Variants in ELMO1 observed in about 807,000 individuals in gnomAD.
The protein encoded by ELMO1 is engulfment and cell motility protein 1.
A neutral mutation model predicts 98.9 loss-of-function variants in ELMO1; 26 were observed. The observed-to-expected ratio is 0.26, with a 90% confidence interval of 0.19 to 0.36. The LOEUF (loss-of-function observed/expected upper bound fraction) is 0.36, where lower values mean the gene tolerates loss of function less well. ELMO1 is among the 10% of genes least tolerant of loss of function. ELMO1 has a pLI of 1.00. For missense variants in ELMO1, 627 were observed against 935.2 expected (o/e 0.67, Z 4.30); for synonymous variants, 346 against 346.0 (o/e 1.00, Z 0.00).
chr7:37,218,154 T>C (rs1563083963), intron 10 of ELMO1, among the ~76,000 whole-genome samples: 1 of 152,172 alleles, frequency 6.6e-6, no homozygotes, highest in Non-Finnish European at 1.5e-5. Flanking sequence ...CCTATAGCTG[T>C]TTTAATTTCT....
In ELMO1 at chr7:36,987,360, T is replaced by G. The variant is rs368403123; in HGVS notation, c.1437+25939A>C. ...TCCTGGTCAGACTCGAGGGGGCTCA[T>G]AAGGTGGCAATCTCACTCAGGGGTC... is the stretch of plus-strand genomic sequence containing the variant. On this transcript the variant is annotated intron_variant, in intron 16 of 21. Transcript: ENST00000310758. 3.7e-4 allele frequency among the ~76,000 whole-genome samples: 56 copies of G among 152,260 alleles called. 1 individual carries two copies. The highest frequency in any genetic ancestry group is 1.3e-3 in the African/African-American group (55 of 41,540).
intron 1 of ELMO1, among the ~76,000 whole-genome samples, chr7:37,440,010 A>T (rs28695248): frequency 5.9e-5 from 9 of 151,894 alleles, no homozygotes; most frequent in Admixed American, 5.9e-4. Context: ...TCTTTCTCTC[A>T]CACACACATA....
At chr7:37,162,759 T>A (rs1789314461) in intron 13 of ELMO1, among the ~76,000 whole-genome samples, 1 of 152,222 alleles carries the variant, frequency 6.6e-6, no homozygotes, top group African/African-American at 2.4e-5. Context: ...AAGGTGTTTC[T>A]AGCCTTTGAA....
intron 16 of ELMO1, among the ~76,000 whole-genome samples, chr7:36,981,466 C>A (rs190896852): frequency 6.6e-6 from 1 of 152,148 alleles, no homozygotes; most frequent in Admixed American, 6.5e-5. Flanking sequence ...TCAATATTTT[C>A]TCGCTAAACA....
chr7:37,143,510 G>A (rs755362338), intron 13 of ELMO1, among the ~76,000 whole-genome samples: 17 of 149,736 alleles, frequency 1.1e-4, no homozygotes, highest in Admixed American at 4.0e-4. Flanking sequence ...AGGTTCAAGC[G>A]ATTCTCTTGC....
intron 1 of ELMO1, among the ~76,000 whole-genome samples, chr7:37,411,672 A>C (rs959020151): frequency 3.9e-5 from 6 of 152,148 alleles, no homozygotes; most frequent in Non-Finnish European, 7.4e-5. Context: ...GTGTATTGTT[A>C]TGTTGAGAAA....
At chr7:37,083,514 T>G (rs1442196638) in intron 15 of ELMO1, among the ~76,000 whole-genome samples, 1 of 152,002 alleles carries the variant, frequency 6.6e-6, no homozygotes, top group Non-Finnish European at 1.5e-5. Context: ...ATTATAAAGC[T>G]CAAAATAGCT....
At chr7:37,384,477 T>G (rs1802708886) in intron 1 of ELMO1, among the ~76,000 whole-genome samples, 1 of 152,204 alleles carries the variant, frequency 6.6e-6, no homozygotes, top group South Asian at 2.1e-4. Flanking sequence ...TCCCAGCACT[T>G]TGGGAGGCCG....
chr7:37,274,136 T>C (rs1040398889), intron 4 of ELMO1, among the ~76,000 whole-genome samples: 2 of 152,158 alleles, frequency 1.3e-5, no homozygotes, highest in Non-Finnish European at 2.9e-5. Flanking sequence ...ACTGAATGCC[T>C]CTTGGCAGGC....
chr7:37,068,533 T>G (rs548718625), intron 15 of ELMO1, among the ~76,000 whole-genome samples: 4 of 152,306 alleles, frequency 2.6e-5, no homozygotes, highest in Admixed American at 2.0e-4. Context: ...CAGATGAATT[T>G]TAGCATATGC....
At chr7:37,369,397 A>T (rs1431216645) in intron 1 of ELMO1, among the ~76,000 whole-genome samples, 2 of 152,142 alleles carry the variant, frequency 1.3e-5, no homozygotes. Flanking sequence ...TCATGTCGGC[A>T]CTCAAAAAGC....
At chr7:37,272,637 T>C (rs991571539) in intron 4 of ELMO1, among the ~76,000 whole-genome samples, 2 of 146,500 alleles carry the variant, frequency 1.4e-5, no homozygotes, top group Non-Finnish European at 3.0e-5. Context: ...ATAGCACCAC[T>C]ACATTCCAGC....
At chr7:37,044,355 T>C (rs1440450258) in intron 15 of ELMO1, among the ~76,000 whole-genome samples, 1 of 152,234 alleles carries the variant, frequency 6.6e-6, no homozygotes, top group Non-Finnish European at 1.5e-5. Flanking sequence ...GTACACTTCC[T>C]GCACTAAGTA....
intron 2 of ELMO1, among the ~76,000 whole-genome samples, chr7:37,331,289 C>G (rs1409049498): frequency 3.3e-5 from 5 of 150,610 alleles, no homozygotes; most frequent in African/African-American, 1.2e-4. Flanking sequence ...CCTGCCTCAG[C>G]CTCCCGAGTA....
chr7:37,372,207 A>G (rs111234786), intron 1 of ELMO1, among the ~76,000 whole-genome samples: 51 of 152,278 alleles, frequency 3.3e-4, no homozygotes, highest in Non-Finnish European at 6.6e-4. Context: ...CATTTTAAAA[A>G]TAAGGAAACT....
intron 16 of ELMO1, among the ~76,000 whole-genome samples, chr7:36,910,767 C>T (rs76598696): frequency 0.048 from 7,361 of 152,192 alleles, 285 homozygotes; most frequent in South Asian, 0.15. Flanking sequence ...GCTGGAAATG[C>T]AAGATCTTAG....
chr7:36,987,818 T>C (rs1421861158), intron 16 of ELMO1, among the ~76,000 whole-genome samples: 1 of 152,140 alleles, frequency 6.6e-6, no homozygotes, highest in Non-Finnish European at 1.5e-5. Context: ...AGTGCAATGG[T>C]GTGATCTCGG....
chr7:37,432,249 G>T (rs1430622963), intron 1 of ELMO1, among the ~76,000 whole-genome samples: 1 of 152,184 alleles, frequency 6.6e-6, no homozygotes, highest in African/African-American at 2.4e-5. Context: ...TCAGCCTATG[G>T]ACATTTCTTA....
intron 16 of ELMO1, among the ~76,000 whole-genome samples, chr7:36,943,402 A>G (rs1403620062): frequency 6.6e-6 from 1 of 152,114 alleles, no homozygotes; most frequent in African/African-American, 2.4e-5. Context: ...CATCCTAACA[A>G]AAGGGCCACT....
Sources: gnomAD v4.1 joint callset for allele counts (sites outside exome capture counted in the v4.1 genomes callset) on GRCh38, gnomAD v4.1.1 for gene constraint, MANE v1.5 for transcripts, NCBI Gene and HGNC (gene_info 2026-07-23, HGNC 2026-07-21) for gene names.